The following CRTAC1 variants were observed in gnomAD, a reference collection of about 807,000 sequenced individuals.
The protein encoded by CRTAC1 is cartilage acidic protein 1, also known as acidic secreted protein in cartilage.
In CRTAC1, 37 loss-of-function variants were observed where a neutral mutation model predicts 67.8. The observed-to-expected ratio is 0.55, with a 90% CI of 0.42 to 0.72. The LOEUF (loss-of-function observed/expected upper bound fraction) is 0.72. CRTAC1 is among the 30% of genes least tolerant of loss of function. CRTAC1 has a pLI of 0.00. For synonymous variants in CRTAC1, 348 were observed against 371.0 expected (o/e 0.94, Z 0.71); for missense variants, 780 against 931.6 (o/e 0.84, Z 2.12).
intron 2 of CRTAC1, among the ~76,000 whole-genome samples, chr10:98,007,753 T>G (rs941120076): frequency 6.6e-6 from 1 of 152,206 alleles, no homozygotes; most frequent in Non-Finnish European, 1.5e-5. Flanking sequence ...CAAAGTCCTA[T>G]AGGACCCACA....
At chr10:97,919,954 G>T (rs2050814453) in intron 4 of CRTAC1, among the ~76,000 whole-genome samples, 1 of 151,546 alleles carries the variant, frequency 6.6e-6, no homozygotes, top group South Asian at 2.1e-4. Flanking sequence ...TCCCTATATT[G>T]CTGAGGCTGG....
At chr10:98,028,072 C>T (rs117889561) in intron 1 of CRTAC1, among the ~76,000 whole-genome samples, 2,416 of 152,248 alleles carry the variant, frequency 0.016, 31 homozygotes, top group Non-Finnish European at 0.026. Context: ...TCCATGAACC[C>T]TTAAAGAGTT....
At chr10:97,887,155 C>T (rs1412778939) in intron 11 of CRTAC1, among the ~76,000 whole-genome samples, 1 of 150,932 alleles carries the variant, frequency 6.6e-6, no homozygotes, top group African/African-American at 2.4e-5. Flanking sequence ...TGAAGGGCCA[C>T]AAAGGACCCA....
chr10:97,909,550 A>T (rs2050660085), intron 5 of CRTAC1, among the ~76,000 whole-genome samples: 1 of 152,198 alleles, frequency 6.6e-6, no homozygotes, highest in South Asian at 2.1e-4. Flanking sequence ...AATATGAAAG[A>T]CTACATGTGT....
chr10:97,959,792 C>G (rs1050552001), intron 2 of CRTAC1, among the ~76,000 whole-genome samples: 1 of 152,232 alleles, frequency 6.6e-6, no homozygotes, highest in Non-Finnish European at 1.5e-5. Flanking sequence ...CTCTAGATCT[C>G]TTCTTCAGCT....
In CRTAC1 at chr10:97,895,106, G is replaced by T; in HGVS notation, c.1486+139C>A. On this transcript the variant is annotated intron_variant, in intron 11 of 14. Coordinates refer to ENST00000370597, the MANE Select transcript of CRTAC1 (RefSeq NM_018058.7). This position sits in a 1 kb window ranked among gnomAD's most constrained non-coding sequence, Gnocchi z 4.2. ...TGAGCTCAGGCTCATCTCAGAGTAG[G>T]GTTTGTCCCCAGTAGCTGGTGTCCA... is the stretch of plus-strand genomic sequence containing the variant. 1.2e-6 allele frequency: 1 copy of T among 800,962 alleles called. No homozygotes were observed. Among genetic ancestry groups the T allele is most frequent in the South Asian group, 1.8e-5 (1 of 55,666 alleles). The allele number at this position is 800,962 out of a possible 1,614,324, so 49.6% of individuals were successfully genotyped here. A position where few individuals can be genotyped will look rare whatever the true frequency, so the allele number is the denominator to read the frequency against.
At chr10:97,946,462 T>C (rs2051265601) in intron 2 of CRTAC1, among the ~76,000 whole-genome samples, 1 of 152,122 alleles carries the variant, frequency 6.6e-6, no homozygotes, top group Non-Finnish European at 1.5e-5. Context: ...GAGATTGTGT[T>C]CTCTCCTCAG....
At chr10:98,028,983 T>C (rs886893786) in intron 1 of CRTAC1, among the ~76,000 whole-genome samples, 3 of 152,172 alleles carry the variant, frequency 2.0e-5, no homozygotes, top group African/African-American at 2.4e-5. Flanking sequence ...AATGTTCTAA[T>C]TGTGGTCCTC....
intron 3 of CRTAC1, among the ~76,000 whole-genome samples, chr10:97,934,714 T>G (rs1034689425): frequency 6.6e-6 from 1 of 152,080 alleles, no homozygotes; most frequent in African/African-American, 2.4e-5. Flanking sequence ...TCCAGGATGA[T>G]GACTGCTCAA....
chr10:98,005,098 A>ATTTTTTT (rs1347220699), intron 2 of CRTAC1, among the ~76,000 whole-genome samples: 14 of 38,192 alleles, frequency 3.7e-4, no homozygotes, highest in African/African-American at 1.1e-3. Context: ...ATATATATAT[A>ATTTTTTT]TATTTTTTTT....
intron 2 of CRTAC1, among the ~76,000 whole-genome samples, chr10:97,941,545 T>C (rs1415353982): frequency 1.3e-5 from 2 of 152,094 alleles, no homozygotes; most frequent in Non-Finnish European, 2.9e-5. Context: ...AAAGTGGAGC[T>C]ACTGACCACT....
intron 2 of CRTAC1, among the ~76,000 whole-genome samples, chr10:97,978,487 G>A (rs145971405): frequency 1.6e-4 from 24 of 152,166 alleles, no homozygotes; most frequent in African/African-American, 4.3e-4. Context: ...GCTAGGAAAC[G>A]CAAGTGGCTG....
At chr10:97,929,895 C>A (rs1445906982) in intron 3 of CRTAC1, among the ~76,000 whole-genome samples, 2 of 152,308 alleles carry the variant, frequency 1.3e-5, no homozygotes, top group East Asian at 1.9e-4. Context: ...GGAAAACCAG[C>A]AAGACAGTGA....
At chr10:97,993,158 C>G (rs984528725) in intron 2 of CRTAC1, among the ~76,000 whole-genome samples, 1 of 152,106 alleles carries the variant, frequency 6.6e-6, no homozygotes, top group East Asian at 1.9e-4. Context: ...CCGAGAAGAA[C>G]CAGGACTGGA....
At chr10:97,882,902 C>T in intron 12 of CRTAC1, 74 bp from the exon 13 acceptor site, 1 of 1,480,252 alleles carries the variant, frequency 6.8e-7, no homozygotes, top group Non-Finnish European at 9.4e-7. Context: ...TAGTCACAGC[C>T]ACAGAGTAGT....
chr10:97,911,963 G>A (rs1023053079), intron 5 of CRTAC1, among the ~76,000 whole-genome samples: 5 of 152,172 alleles, frequency 3.3e-5, no homozygotes, highest in Admixed American at 3.3e-4. Context: ...TGAGGCCAGC[G>A]CATTCTCTCG....
chr10:98,030,338 C>G lies in CRTAC1; in HGVS notation c.24+111G>C. The G allele has an allele frequency of 1.5e-6, 1 of 666,226 alleles. No individual in the cohort carries two copies. The highest frequency in any genetic ancestry group is 2.2e-6 in the Non-Finnish European group (1 of 459,356). 41.3% of individuals were successfully genotyped at this position (666,226 alleles called of 1,614,324 possible). On this transcript the variant is annotated intron_variant, in intron 1 of 14. Coordinates refer to ENST00000370597, the MANE Select transcript of CRTAC1 (RefSeq NM_018058.7). This position sits in a 1 kb window ranked among gnomAD's most constrained non-coding sequence, Gnocchi z 4.2. ...GCCGCCTTCGCGATCCCAGTCTTCC[C>G]GGGTTCCCGGGCGGCGTCCCCGCCA...
intron 14 of CRTAC1, chr10:97,866,385 G>A (rs951277253): frequency 5.3e-5 from 8 of 152,202 alleles, no homozygotes; most frequent in African/African-American, 1.9e-4. Flanking sequence ...GGTGCTGGTT[G>A]GGGGGCACAG....
intron 2 of CRTAC1, among the ~76,000 whole-genome samples, chr10:97,955,896 A>G (rs186942528): frequency 6.6e-6 from 1 of 152,342 alleles, no homozygotes; most frequent in Non-Finnish European, 1.5e-5. Context: ...AAGGTTGAAC[A>G]CCACAGGGAG....
Sources: allele counts gnomAD v4.1 joint callset (sites outside exome capture counted in the v4.1 genomes callset), GRCh38; gene constraint gnomAD v4.1.1; non-coding constraint Gnocchi (gnomAD v3.1); transcripts MANE v1.5; gene names NCBI Gene and HGNC (gene_info 2026-07-23, HGNC 2026-07-21).